Variants in DRC11 observed in about 807,000 individuals in gnomAD.
DRC11 encodes the protein IQ and AAA domain-containing protein 1.
chr2:236,399,474 T>C, the DRC11 span: 1 of 1,613,828 alleles, frequency 6.2e-7, no homozygotes, highest in Non-Finnish European at 8.5e-7. This position sits in a 1 kb window ranked among gnomAD's most constrained non-coding sequence, Gnocchi z 7.0. Flanking sequence ...ACATTTTCCA[T>C]TTTTCGTCTT....
chr2:236,389,348 C>G, the DRC11 span, among the ~76,000 whole-genome samples: 13 of 152,118 alleles, frequency 8.5e-5, no homozygotes, highest in Non-Finnish European at 1.6e-4. Context: ...AGCCAGGTGC[C>G]GGATATAATC....
At chr2:236,441,298 C>T in the DRC11 span, among the ~76,000 whole-genome samples, 1 of 152,116 alleles carries the variant, frequency 6.6e-6, no homozygotes, top group African/African-American at 2.4e-5. Flanking sequence ...TGATTACATT[C>T]AGTAGCAGGT....
chr2:236,366,240 C>A, the DRC11 span, among the ~76,000 whole-genome samples: 1 of 152,120 alleles, frequency 6.6e-6, no homozygotes, highest in South Asian at 2.1e-4. Flanking sequence ...GAGTCTAAGC[C>A]CTAGCCCCAG....
the DRC11 span, among the ~76,000 whole-genome samples, chr2:236,414,537 G>A: frequency 2.0e-5 from 3 of 152,146 alleles, no homozygotes; most frequent in East Asian, 5.8e-4. Flanking sequence ...TGTTGCCCAG[G>A]CTGGGTGCCA....
chr2:236,463,049 C>T, the DRC11 span, among the ~76,000 whole-genome samples: 7 of 151,902 alleles, frequency 4.6e-5, no homozygotes, highest in South Asian at 4.2e-4. The surrounding 1 kb of genome is among the most constrained non-coding windows in gnomAD (Gnocchi z 5.0). Context: ...GATGGTAGCA[C>T]GGGAAAACTG....
the DRC11 span, among the ~76,000 whole-genome samples, chr2:236,403,108 T>C: frequency 6.7e-6 from 1 of 150,270 alleles, no homozygotes; most frequent in Non-Finnish European, 1.5e-5. Flanking sequence ...CTCTTAGGGA[T>C]GGATGAAGGC....
the DRC11 span, chr2:236,399,625 G>A: frequency 5.1e-5 from 36 of 699,058 alleles, no homozygotes; most frequent in African/African-American, 2.6e-4. This position sits in a 1 kb window ranked among gnomAD's most constrained non-coding sequence, Gnocchi z 7.0. Context: ...CCTCTGGCCC[G>A]TCTAAGTATG....
chr2:236,394,261 T>C, the DRC11 span, among the ~76,000 whole-genome samples: 1 of 152,166 alleles, frequency 6.6e-6, no homozygotes, highest in Non-Finnish European at 1.5e-5. This position sits in a 1 kb window ranked among gnomAD's most constrained non-coding sequence, Gnocchi z 7.0. Context: ...CCTGCGTCTT[T>C]AGTGGTCAGA....
the DRC11 span, among the ~76,000 whole-genome samples, chr2:236,459,597 A>ACG: frequency 2.2e-4 from 30 of 135,312 alleles, no homozygotes; most frequent in African/African-American, 4.4e-4. Context: ...ACGTATACGT[A>ACG]TACATATATA....
the DRC11 span, among the ~76,000 whole-genome samples, chr2:236,314,302 A>G: frequency 3.9e-5 from 6 of 152,200 alleles, no homozygotes; most frequent in African/African-American, 1.4e-4. This position sits in a 1 kb window ranked among gnomAD's most constrained non-coding sequence, Gnocchi z 4.5. Flanking sequence ...CAAGTCCACA[A>G]CCATACATGA....
chr2:236,414,624 C>A, the DRC11 span, among the ~76,000 whole-genome samples: 1 of 152,136 alleles, frequency 6.6e-6, no homozygotes, highest in Admixed American at 6.5e-5. Flanking sequence ...CTGGGCAGGA[C>A]TACTGTGCTT....
the DRC11 span, chr2:236,408,419 C>T: frequency 6.0e-5 from 44 of 739,228 alleles, no homozygotes; most frequent in East Asian, 7.6e-5. The surrounding 1 kb of genome is among the most constrained non-coding windows in gnomAD (Gnocchi z 5.5). Context: ...ACCTTGAAGA[C>T]GTCAATCATC....
chr2:236,329,223 AG>A, the DRC11 span, among the ~76,000 whole-genome samples: 43 of 152,348 alleles, frequency 2.8e-4, no homozygotes, highest in South Asian at 1.2e-3. Flanking sequence ...GCTGACTAGC[AG>A]GCTTACTCCA....
At chr2:236,314,263 C>T in the DRC11 span, among the ~76,000 whole-genome samples, 1 of 152,186 alleles carries the variant, frequency 6.6e-6, no homozygotes, top group Admixed American at 6.5e-5. The surrounding 1 kb of genome is among the most constrained non-coding windows in gnomAD (Gnocchi z 4.5). Context: ...ATGTGATCAT[C>T]TCCATTGAGG....
the DRC11 span, chr2:236,412,934 T>C: frequency 1.3e-5 from 2 of 152,142 alleles, no homozygotes; most frequent in African/African-American, 4.8e-5. Context: ...GAGGCTGGTA[T>C]AGTTGCAGCT....
At chr2:236,416,725 A>ATATATATATATATATATATATTTT in the DRC11 span, among the ~76,000 whole-genome samples, 18 of 16,002 alleles carry the variant, frequency 1.1e-3, no homozygotes, top group Non-Finnish European at 1.8e-3. Context: ...ATATATTTAT[A>ATATATATATATATATATATATTTT]TATATATATA....
At chr2:236,347,476 A>G in the DRC11 span, among the ~76,000 whole-genome samples, 1 of 146,442 alleles carries the variant, frequency 6.8e-6, no homozygotes, top group Non-Finnish European at 1.5e-5. Context: ...ACCAACCCAA[A>G]TGCCCATCAA....
chr2:236,424,583 T>C, the DRC11 span, among the ~76,000 whole-genome samples: 1 of 152,248 alleles, frequency 6.6e-6, no homozygotes, highest in East Asian at 1.9e-4. Context: ...TTTTGATACA[T>C]GTACACATTG....
chr2:236,361,582 G>A, the DRC11 span, among the ~76,000 whole-genome samples: 1 of 152,054 alleles, frequency 6.6e-6, no homozygotes, highest in Non-Finnish European at 1.5e-5. This position sits in a 1 kb window ranked among gnomAD's most constrained non-coding sequence, Gnocchi z 5.7. Context: ...CATATTTTAT[G>A]TAAAATACCA....
Sources: allele counts gnomAD v4.1 joint callset (sites outside exome capture counted in the v4.1 genomes callset), GRCh38; gene constraint gnomAD v4.1.1; non-coding constraint Gnocchi (gnomAD v3.1); transcripts MANE v1.5; gene names NCBI Gene and HGNC (gene_info 2026-07-23, HGNC 2026-07-21).